Variants in OLAH observed in about 807,000 individuals in gnomAD.
OLAH encodes the protein oleoyl-ACP hydrolase, also known as S-acyl fatty acid synthase thioesterase, medium chain.
Under a neutral mutation model 27.8 loss-of-function variants are expected in OLAH, and 33 were observed. The ratio of observed to expected loss-of-function variants is 1.19; its 90% CI spans 0.90 to 1.59. OLAH has a LOEUF of 1.59. Ranked by LOEUF, OLAH falls within the 40% of genes most tolerant of loss-of-function variation. OLAH has a pLI of 0.00. For synonymous variants in OLAH, 120 were observed against 102.9 expected (o/e 1.17, Z -1.01); for missense variants, 359 against 310.8 (o/e 1.16, Z -1.17).
At chr10:15,066,411 G>A (rs1008565120) in intron 6 of OLAH, among the ~76,000 whole-genome samples, 3 of 151,974 alleles carry the variant, frequency 2.0e-5, no homozygotes, top group African/African-American at 7.3e-5. Flanking sequence ...TATTGTAAGT[G>A]TGGAGGCAAA....
chr10:15,066,591 C>G (rs1415073650), intron 6 of OLAH, among the ~76,000 whole-genome samples: 4 of 151,058 alleles, frequency 2.6e-5, no homozygotes, highest in Non-Finnish European at 2.9e-5. Flanking sequence ...CCCCAATAAT[C>G]TTTCCTATTT....
At position 15,065,719 on chromosome 10, in the gene OLAH, A is replaced by G. The variant is rs747961929; in HGVS notation, c.538A>G (p.Ile180Val). The G allele has an allele frequency of 4.3e-6, 7 of 1,613,178 alleles. No homozygotes were observed. Among genetic ancestry groups the G allele is most frequent in the African/African-American group, 2.7e-5 (2 of 74,904 alleles). ...KEFVKQCSPI[I>V]RADLNIVRSC... ...ATTTGTGAAACAATGTAGTCCCATCATAAGGGCAGATCTGAACATTGTTAG... is the reference window on the plus strand; with the variant it reads ...ATTTGTGAAACAATGTAGTCCCATCGTAAGGGCAGATCTGAACATTGTTAG... Residue 180 changes from isoleucine to valine, a missense_variant, in exon 6 of 8, where the codon ATA becomes GTA. By Grantham distance (29) the Ile-to-Val change is conservative (BLOSUM62 3). Coordinates refer to ENST00000378228, the MANE Select transcript of OLAH (RefSeq NM_001039702.3).
chr10:15,035,833 G>A (rs1221149624), intron 1 of OLAH, among the ~76,000 whole-genome samples: 1 of 152,100 alleles, frequency 6.6e-6, no homozygotes, highest in African/African-American at 2.4e-5. Flanking sequence ...TCAAATCACA[G>A]AGCGTCAAAC....
At chr10:15,061,904 C>T (rs778682830) in intron 4 of OLAH, 42 bp downstream of exon 4, 14 of 1,584,388 alleles carry the variant, frequency 8.8e-6, no homozygotes, top group African/African-American at 1.4e-5. Context: ...GGAGTTTCTT[C>T]TATCTGAAGT....
In OLAH at chr10:15,061,783, A is replaced by G; in HGVS notation, c.223A>G (p.Ile75Val). The change falls in exon 4 of 8, where the codon ATC becomes GTC. Residue 75 changes from isoleucine to valine, a missense_variant. Transcript: ENST00000378228. ...SRVEEPLEND[I>V]SQLVDEVVCA... ...AGTTGAAGAACCTCTTGAAAATGAC[A>G]TCTCCCAGTTAGTTGATGAAGTTGT... 1 of 1,613,840 alleles carries G rather than the reference A, an allele frequency of 6.2e-7. No homozygotes were observed. The highest frequency in any genetic ancestry group is 8.5e-7 in the Non-Finnish European group (1 of 1,179,892).
At chr10:15,045,848 G>C (rs780718445) in intron 1 of OLAH, among the ~76,000 whole-genome samples, 8 of 152,090 alleles carry the variant, frequency 5.3e-5, no homozygotes, top group Non-Finnish European at 1.2e-4. Context: ...TGGCCAACAT[G>C]GTGAAACCCC....
At chr10:15,056,677 C>T in intron 3 of OLAH, 2 of 765,574 alleles carry the variant, frequency 2.6e-6, no homozygotes, top group Non-Finnish European at 3.5e-6. Context: ...GTTGCCCAGG[C>T]TGGAGTACAA....
chr10:15,047,982 G>T (rs146328105), intron 2 of OLAH, among the ~76,000 whole-genome samples: 1 of 152,116 alleles, frequency 6.6e-6, no homozygotes, highest in Non-Finnish European at 1.5e-5. Flanking sequence ...CTGAAAAAAC[G>T]AGAGGGGTAT....
chr10:15,038,604 T>G (rs1564524707), intron 1 of OLAH: 1 of 152,312 alleles, frequency 6.6e-6, no homozygotes, highest in Non-Finnish European at 1.5e-5. Flanking sequence ...TCTCTTTGCC[T>G]GCTGCCATCC....
At chr10:15,060,006 T>C (rs1213146310) in intron 3 of OLAH, among the ~76,000 whole-genome samples, 2 of 152,158 alleles carry the variant, frequency 1.3e-5, no homozygotes, top group Non-Finnish European at 2.9e-5. Flanking sequence ...GTTTCAAATT[T>C]TGACATATTC....
Position 15,064,491 on chromosome 10 carries a change from A to G in OLAH, c.391A>G (p.Thr131Ala). 2 of 1,580,144 alleles carry G rather than the reference A, an allele frequency of 1.3e-6. No individual in the cohort carries two copies. Among genetic ancestry groups the G allele is most frequent in the Non-Finnish European group, 1.7e-6 (2 of 1,165,090 alleles). The change falls in exon 5 of 8, where the codon ACT (threonine) becomes GCT (alanine). Residue 131 changes from threonine (T) to alanine (A), a missense_variant. Coordinates refer to ENST00000378228, the MANE Select transcript of OLAH (RefSeq NM_001039702.3). Reference protein sequence around the residue: ...EPLHLFLSSATPVHSKAWHRI... With the variant: ...EPLHLFLSSAAPVHSKAWHRI... The stretch of plus-strand genomic sequence containing the variant: ...ATTGCATTTATTTTTGTCAAGTGCA[A>G]CTCCTGTACATGTAAGTAATTTAGC...
chr10:15,052,385 T>C (rs1396978964), intron 3 of OLAH, among the ~76,000 whole-genome samples: 1 of 152,218 alleles, frequency 6.6e-6, no homozygotes, highest in Admixed American at 6.5e-5. Flanking sequence ...TTCCAATATA[T>C]GCTAAGTTCC....
Position 15,073,628 on chromosome 10 carries a change from C to A in OLAH, c.*399C>A, listed in dbSNP as rs1278039035. 6.8e-6 allele frequency: 1 copy of A among 148,030 alleles called. No homozygotes were observed. The highest frequency in any genetic ancestry group is 2.0e-4 in the East Asian group (1 of 4,982). The allele number at this position is 148,030 out of a possible 1,614,324, so 9.2% of individuals were successfully genotyped here. A position where few individuals can be genotyped will look rare whatever the true frequency, so the allele number is the denominator to read the frequency against. On this transcript the variant is annotated 3_prime_UTR_variant, in exon 8 of 8. Transcript: ENST00000378228. Reference sequence around the variant, plus strand: ...TGAACCGAGATCGCTCCACTGCACTCCAGCCTGGGTGACAGATCCAGACTC... The same window carrying A: ...TGAACCGAGATCGCTCCACTGCACTACAGCCTGGGTGACAGATCCAGACTC...
chr10:15,035,675 C>T (rs1223892023), intron 1 of OLAH, among the ~76,000 whole-genome samples: 2 of 152,062 alleles, frequency 1.3e-5, no homozygotes, highest in Non-Finnish European at 2.9e-5. Context: ...TCCTGTGCTC[C>T]AAGTTTTCTT....
At chr10:15,037,171 G>A (rs1456229370) in intron 1 of OLAH, among the ~76,000 whole-genome samples, 1 of 151,796 alleles carries the variant, frequency 6.6e-6, no homozygotes, top group South Asian at 2.1e-4. Flanking sequence ...AAAAAAAGGT[G>A]CGTATTGTAA....
intron 3 of OLAH, among the ~76,000 whole-genome samples, chr10:15,059,021 C>T: frequency 7.9e-6 from 1 of 127,016 alleles, no homozygotes; most frequent in African/African-American, 3.0e-5. Context: ...CTCTCCTTCC[C>T]TCCTTCCCTT....
intron 6 of OLAH, among the ~76,000 whole-genome samples, chr10:15,069,651 G>C (rs1342381511): frequency 2.0e-5 from 3 of 152,158 alleles, no homozygotes; most frequent in Non-Finnish European, 4.4e-5. Context: ...CGGATCACTT[G>C]AGGTCAGGAG....
intron 6 of OLAH, among the ~76,000 whole-genome samples, chr10:15,068,744 G>A (rs993362380): frequency 6.6e-6 from 1 of 152,148 alleles, no homozygotes; most frequent in Non-Finnish European, 1.5e-5. Flanking sequence ...AAACAGTAGA[G>A]ACTGAAGGTA....
intron 3 of OLAH, among the ~76,000 whole-genome samples, chr10:15,052,521 C>T (rs762860917): frequency 3.9e-5 from 6 of 152,160 alleles, no homozygotes; most frequent in Non-Finnish European, 7.3e-5. Flanking sequence ...AATCCCTCCA[C>T]CTTGGCCTCC....
Sources: gnomAD v4.1 joint callset for allele counts (sites outside exome capture counted in the v4.1 genomes callset) on GRCh38, gnomAD v4.1.1 for gene constraint, MANE v1.5 for transcripts, NCBI Gene and HGNC (gene_info 2026-07-23, HGNC 2026-07-21) for gene names.